The following EXOC6B variants were observed in gnomAD, a reference collection of about 807,000 sequenced individuals.
EXOC6B encodes exocyst complex component 6B.
EXOC6B carries 54 observed loss-of-function variants against 113.5 expected under a neutral mutation model. That is an observed-to-expected ratio of 0.48 (90% CI 0.38 to 0.60). EXOC6B has a LOEUF of 0.60. Among genes scored for constraint, EXOC6B ranks in the 20% least tolerant of loss-of-function variants. The pLI, the probability that EXOC6B is intolerant of heterozygous loss-of-function variation, is 0.00. For synonymous variants in EXOC6B, 357 were observed against 339.0 expected (o/e 1.05, Z -0.58); for missense variants, 797 against 977.5 (o/e 0.82, Z 2.46).
At chr2:72,429,157 C>T (rs1695378906) in intron 18 of EXOC6B, among the ~76,000 whole-genome samples, 1 of 152,210 alleles carries the variant, frequency 6.6e-6, no homozygotes, top group African/African-American at 2.4e-5. Context: ...ATGGGAGTCA[C>T]ATATCCTGAT....
chr2:72,624,927 T>C (rs1019470288), intron 6 of EXOC6B, among the ~76,000 whole-genome samples: 1 of 152,004 alleles, frequency 6.6e-6, no homozygotes, highest in African/African-American at 2.4e-5. Flanking sequence ...AGTAACAAAG[T>C]TCAGATTTGA....
intron 18 of EXOC6B, among the ~76,000 whole-genome samples, chr2:72,404,871 G>A (rs1037742968): frequency 1.3e-5 from 2 of 152,162 alleles, no homozygotes; most frequent in Non-Finnish European, 2.9e-5. Context: ...CGACCTTGAC[G>A]AGTTGAGAGA....
intron 1 of EXOC6B, among the ~76,000 whole-genome samples, chr2:72,823,489 A>AAAAAAAT (rs1686715963): frequency 6.7e-6 from 1 of 149,592 alleles, no homozygotes; most frequent in Non-Finnish European, 1.5e-5. Flanking sequence ...CAAAAAACAA[A>AAAAAAAT]AAAAAAGACA....
chr2:72,569,855 T>C (rs1408500058), intron 7 of EXOC6B, among the ~76,000 whole-genome samples: 1 of 152,190 alleles, frequency 6.6e-6, no homozygotes, highest in East Asian at 1.9e-4. Context: ...ATAATTATTG[T>C]CACTATTTCA....
chr2:72,483,898 T>C (rs1027096854), intron 16 of EXOC6B, among the ~76,000 whole-genome samples: 1 of 152,150 alleles, frequency 6.6e-6, no homozygotes, highest in African/African-American at 2.4e-5. Context: ...ATCCAAACTG[T>C]CCTAAACATT....
intron 18 of EXOC6B, among the ~76,000 whole-genome samples, chr2:72,440,414 C>T (rs1696132269): frequency 6.6e-6 from 1 of 152,098 alleles, no homozygotes; most frequent in Admixed American, 6.5e-5. Context: ...TTAAAGACAA[C>T]TCAAAATTTC....
chr2:72,263,917 C>A (rs907885412), intron 20 of EXOC6B, among the ~76,000 whole-genome samples: 6 of 152,114 alleles, frequency 3.9e-5, no homozygotes, highest in African/African-American at 1.4e-4. Context: ...TGACAGCCAG[C>A]CAGCCAGCCA....
intron 20 of EXOC6B, among the ~76,000 whole-genome samples, chr2:72,286,705 G>A (rs1442052382): frequency 1.3e-5 from 2 of 152,052 alleles, no homozygotes; most frequent in Non-Finnish European, 2.9e-5. Context: ...ACTCTGGGGG[G>A]AATACGAATA....
intron 18 of EXOC6B, among the ~76,000 whole-genome samples, chr2:72,394,845 TCTTACTA>T (rs1692621554): frequency 6.6e-6 from 1 of 152,090 alleles, no homozygotes; most frequent in African/African-American, 2.4e-5. Context: ...TCCAGTTCTC[TCTTACTA>T]CACACATTTA....
intron 17 of EXOC6B, 113 bp from the exon 18 acceptor site, chr2:72,465,452 A>T: frequency 3.9e-6 from 3 of 759,818 alleles, no homozygotes. Flanking sequence ...TATAACTGGG[A>T]ATACTGAGCC....
At chr2:72,407,708 C>A (rs996821526) in intron 18 of EXOC6B, among the ~76,000 whole-genome samples, 1 of 152,084 alleles carries the variant, frequency 6.6e-6, no homozygotes, top group Admixed American at 6.6e-5. Context: ...ATTGATGGGA[C>A]GTATCTCAAA....
At chr2:72,496,180 C>T (rs116211568) in intron 14 of EXOC6B, among the ~76,000 whole-genome samples, 144 of 152,008 alleles carry the variant, frequency 9.5e-4, no homozygotes, top group Middle Eastern at 6.9e-3. Flanking sequence ...TTAGAACATC[C>T]GCAGCAATCC....
intron 6 of EXOC6B, among the ~76,000 whole-genome samples, chr2:72,678,348 C>A (rs2104531600): frequency 6.6e-6 from 1 of 152,264 alleles, no homozygotes. Flanking sequence ...AATCTGATTT[C>A]ACTGCCCAGT....
chr2:72,520,947 C>T (rs1172282628), intron 8 of EXOC6B, among the ~76,000 whole-genome samples: 1 of 152,138 alleles, frequency 6.6e-6, no homozygotes, highest in East Asian at 1.9e-4. Flanking sequence ...TCCCCTTATC[C>T]CATACTCTGA....
At chr2:72,694,975 G>T (rs551180949) in intron 6 of EXOC6B, among the ~76,000 whole-genome samples, 9 of 152,230 alleles carry the variant, frequency 5.9e-5, no homozygotes, top group African/African-American at 2.2e-4. Flanking sequence ...ACGGGGGTGG[G>T]GATGCTTGCT....
intron 20 of EXOC6B, among the ~76,000 whole-genome samples, chr2:72,231,942 C>T (rs1329446649): frequency 6.6e-6 from 1 of 151,968 alleles, no homozygotes; most frequent in African/African-American, 2.4e-5. Context: ...CCCAAAGGAA[C>T]AGAAATCATC....
Position 72,513,230 on chromosome 2 carries a change from T to C in EXOC6B, c.1069A>G (p.Ile357Val), listed in dbSNP as rs1701040764. Reference sequence around the variant, plus strand: ...ACTAAGCCCTGGGTTGTATGTAAAATGTGATCTTCAACCACAAAAAAGCTA... The same window carrying C: ...ACTAAGCCCTGGGTTGTATGTAAAACGTGATCTTCAACCACAAAAAAGCTA... ...IVGFFVVEDH[I>V]LHTTQGLVNR... is the part of the protein sequence containing the mutation. Residue 357 changes from isoleucine to valine, a missense_variant, in exon 11 of 22, where the codon ATT (isoleucine) becomes GTT (valine). Physicochemically the swap from Ile to Val is conservative, Grantham distance 29. Coordinates refer to ENST00000272427, the MANE Select transcript of EXOC6B (RefSeq NM_015189.3). 6.2e-7 allele frequency: 1 copy of C among 1,612,792 alleles called. No homozygotes were observed. Among genetic ancestry groups the C allele is most frequent in the South Asian group, 1.1e-5 (1 of 90,906 alleles).
At chr2:72,707,909 A>G (rs1032240946) in intron 6 of EXOC6B, among the ~76,000 whole-genome samples, 1 of 152,192 alleles carries the variant, frequency 6.6e-6, no homozygotes, top group South Asian at 2.1e-4. Context: ...TAGCAGATAA[A>G]AGGAAGAAAT....
intron 20 of EXOC6B, among the ~76,000 whole-genome samples, chr2:72,293,608 A>T (rs756931080): frequency 9.9e-5 from 15 of 152,148 alleles, no homozygotes; most frequent in Non-Finnish European, 1.9e-4. Flanking sequence ...GCTAATAGGT[A>T]TCTGGTTTTT....
Sources: allele counts gnomAD v4.1 joint callset (sites outside exome capture counted in the v4.1 genomes callset), GRCh38; gene constraint gnomAD v4.1.1; transcripts MANE v1.5; gene names NCBI Gene and HGNC (gene_info 2026-07-23, HGNC 2026-07-21).